The following TKFC variants were observed in gnomAD, a reference collection of about 807,000 sequenced individuals.
TKFC encodes the protein triokinase/FMN cyclase.
In TKFC, 46 loss-of-function variants were observed where a neutral mutation model predicts 61.0. The observed-to-expected ratio is 0.75, with a 90% CI of 0.60 to 0.96. The LOEUF is 0.96. Ranked by LOEUF, TKFC falls within the 50% of genes least tolerant of loss-of-function variation. TKFC has a pLI of 0.00. For synonymous variants in TKFC, 314 were observed against 330.1 expected, an observed-to-expected ratio of 0.95 and a Z score of 0.53; for missense variants, 715 against 777.5, an observed-to-expected ratio of 0.92 and a Z score of 0.96.
At position 61,341,831 on chromosome 11, in the gene TKFC, G is replaced by C. The variant is rs150473332; in HGVS notation, c.574G>C (p.Gly192Arg). The C allele has an allele frequency of 2.2e-5, 36 of 1,613,806 alleles. No homozygotes were observed. The highest frequency in any genetic ancestry group is 3.3e-5 in the Admixed American group (2 of 59,982). The change falls in exon 7 of 18, where the codon GGG becomes CGG. Residue 192 changes from glycine to arginine, a missense_variant. Physicochemically the swap from Gly to Arg is moderately radical, Grantham distance 125. Transcript: ENST00000394900. ...TGCCTTGTTTCTCATAGGTACCCTG[G>C]GGGTGAGCTTATCCTCCTGCAGCGT... ...NVVAKAMGTL[G>R]VSLSSCSVPG...
rs756912409 is a variant in TKFC at position 61,339,266 on chromosome 11, T to G, written c.317T>G (p.Leu106Arg). 3 of 1,613,436 alleles carry G rather than the reference T, an allele frequency of 1.9e-6. No homozygotes were observed. The highest frequency in any genetic ancestry group is 3.3e-5 in the Admixed American group (2 of 59,994). ...VAQAGTVGTL[L>R]IVKNYTGDRL... ...GCTGCTCCCGCAGTGGGGACGCTCCTTATCGTGAAGAACTACACTGGGGAT... is the reference window on the plus strand; with the variant it reads ...GCTGCTCCCGCAGTGGGGACGCTCCGTATCGTGAAGAACTACACTGGGGAT... Residue 106 changes from leucine to arginine, a missense_variant, in exon 5 of 18, where the codon CTT becomes CGT. Leu to Arg is a moderately radical substitution (Grantham distance 102, BLOSUM62 -2). Coordinates refer to ENST00000394900, the MANE Select transcript of TKFC (RefSeq NM_015533.4).
At chr11:61,351,668 C>G (rs1394300807), downstream of TKFC, 1 of 152,048 alleles carries the variant, frequency 6.6e-6, no homozygotes, top group Non-Finnish European at 1.5e-5. Context: ...GTAATCCCAG[C>G]ACTTTGGGAG....
In TKFC at chr11:61,347,847, G is replaced by C. The variant is rs539744798; in HGVS notation, c.*1344G>C. 3.3e-4 allele frequency: 324 copies of C among 980,740 alleles called. 3 individuals are homozygous for C. In the South Asian group the frequency reaches 0.013, roughly 39 times the overall value. The allele number at this position is 980,740 out of a possible 1,614,324, so 60.8% of individuals were successfully genotyped here. On this transcript the variant is annotated 3_prime_UTR_variant, in exon 18 of 18. Transcript: ENST00000394900. ...GGACATGAAAGGATTCAAATGAATT[G>C]ATGAAGATGGGCCATAAAGCCCAGC... is the stretch of plus-strand genomic sequence containing the variant.
chr11:61,346,369 G>T lies in TKFC; in HGVS notation c.1594G>T (p.Glu532Ter). Residue 532 changes from glutamate to a stop codon, truncating the protein, a stop_gained, in exon 18 of 18, where the codon GAG (glutamate) becomes TAG (stop). Coordinates refer to ENST00000394900, the MANE Select transcript of TKFC (RefSeq NM_015533.4). LOFTEE classifies it high-confidence loss of function. The surrounding 1 kb of genome is among the most constrained non-coding windows in gnomAD (Gnocchi z 4.1). ...CCCCCAGAGTGCCGAAGCTGCAGCC[G>T]AGGCCACCAAGAATATGGAAGCTGG... ...KAVKSAEAAA[E>*]ATKNMEAGAG... 6.2e-7 allele frequency: 1 copy of T among 1,612,772 alleles called. No homozygotes were observed. Among genetic ancestry groups the T allele is most frequent in the Non-Finnish European group, 8.5e-7 (1 of 1,179,988 alleles).
rs552171239 is a variant in TKFC at position 61,335,686 on chromosome 11, C to T, written c.3+955C>T. On this transcript the variant is annotated intron_variant, in intron 2 of 17. Coordinates refer to ENST00000394900, the MANE Select transcript of TKFC (RefSeq NM_015533.4). ...AGCTTTGGAGCCAGGCAGACCTGGA[C>T]ACCTGCTGGCTGTGTGACCTTGGGC... Among the ~76,000 whole-genome samples, 214 of 152,336 alleles carry T rather than the reference C, an allele frequency of 1.4e-3. 1 individual carries two copies. The highest frequency in any genetic ancestry group is 4.8e-3 in the African/African-American group (198 of 41,578).
downstream of TKFC, chr11:61,351,240 A>G: frequency 2.1e-6 from 3 of 1,396,150 alleles, no homozygotes; most frequent in Non-Finnish European, 9.5e-7. Context: ...AGGGTGAGAA[A>G]ACCTTCCCGG....
Position 61,345,342 on chromosome 11 carries a change from G to A in TKFC, c.1323G>A (p.Glu441=). ...CCAAGTTGTCTGTCCTGCTCCTGGA[G>A]AAGATGGGAGGCTCATCTGGGGCGG... ...LLSKLSVLLL[E]KMGGSSGALY... Residue 441 remains glutamate (E), a synonymous_variant, in exon 14 of 18, where the codon GAG becomes GAA. Transcript: ENST00000394900. 6.2e-7 allele frequency: 1 copy of A among 1,604,552 alleles called. No homozygotes were observed. Among genetic ancestry groups the A allele is most frequent in the Non-Finnish European group, 8.5e-7 (1 of 1,173,272 alleles).
chr11:61,351,233 G>A (rs1019097688), downstream of TKFC: 3 of 1,427,378 alleles, frequency 2.1e-6, no homozygotes, highest in African/African-American at 1.5e-5. Flanking sequence ...CTAACAGAGG[G>A]TGAGAAAACC....
chr11:61,344,611 G>A (rs968708233), intron 13 of TKFC, among the ~76,000 whole-genome samples: 5 of 152,004 alleles, frequency 3.3e-5, no homozygotes, highest in African/African-American at 9.7e-5. Context: ...CCATCCGCTC[G>A]CCCTGGCCTC....
chr11:61,341,324 A>G (rs1856841007), intron 5 of TKFC, 112 bp from the exon 6 acceptor site: 6 of 1,229,078 alleles, frequency 4.9e-6, no homozygotes, highest in Non-Finnish European at 7.0e-6. Context: ...TTGAGTGTGA[A>G]AATCCTGAGG....
chr11:61,346,295 G>A lies in TKFC; in HGVS notation c.1576-56G>A, dbSNP rs1857121939. 3 of 1,607,642 alleles carry A rather than the reference G, an allele frequency of 1.9e-6. No homozygotes were observed. Among genetic ancestry groups the A allele is most frequent in the Non-Finnish European group, 2.5e-6 (3 of 1,179,830 alleles). On this transcript the variant is annotated intron_variant, in intron 17 of 17. Transcript: ENST00000394900. The surrounding 1 kb of genome is among the most constrained non-coding windows in gnomAD (Gnocchi z 4.1). ...GGCAGAGACGTTCTGCCCATGGCAGGAAGGAGGCGGCCTGGTGATCTGCCC... is the reference window on the plus strand; with the variant it reads ...GGCAGAGACGTTCTGCCCATGGCAGAAAGGAGGCGGCCTGGTGATCTGCCC...
chr11:61,335,586 C>A (rs1048244526), intron 2 of TKFC, among the ~76,000 whole-genome samples: 1 of 152,188 alleles, frequency 6.6e-6, no homozygotes, highest in Non-Finnish European at 1.5e-5. Context: ...CATGTCCTTT[C>A]TAGGGCAACC....
At chr11:61,338,981 C>A in intron 3 of TKFC, 85 bp from the exon 4 acceptor site, 1 of 1,210,266 alleles carries the variant, frequency 8.3e-7, no homozygotes, top group Non-Finnish European at 1.2e-6. Context: ...GCTCACCAAA[C>A]CATGACCCCC....
rs1249657122 is a variant in TKFC, at chr11:61,346,687, G to A, written c.*184G>A. 3 of 1,402,086 alleles carry A rather than the reference G, an allele frequency of 2.1e-6. No homozygotes were observed. The highest frequency in any genetic ancestry group is 2.8e-6 in the Non-Finnish European group (3 of 1,080,262). 86.9% of individuals were successfully genotyped at this position (1,402,086 alleles called of 1,614,324 possible). A position where few individuals can be genotyped will look rare whatever the true frequency, so the allele number is the denominator to read the frequency against. On this transcript the variant is annotated 3_prime_UTR_variant, in exon 18 of 18. Coordinates refer to ENST00000394900, the MANE Select transcript of TKFC (RefSeq NM_015533.4). This position sits in a 1 kb window ranked among gnomAD's most constrained non-coding sequence, Gnocchi z 4.1. ...CTACAGACAGCACCCAGAGTGAGCT[G>A]GAGTGGGTCCCCATGCCTCTCCAGC...
Position 61,342,766 on chromosome 11 carries a change from G to T in TKFC, c.787G>T (p.Val263Leu), listed in dbSNP as rs769991813. 2 of 1,614,028 alleles carry T rather than the reference G, an allele frequency of 1.2e-6. No homozygotes were observed. Among genetic ancestry groups the T allele is most frequent in the South Asian group, 1.1e-5 (1 of 91,086 alleles). Residue 263 changes from valine (V) to leucine (L), a missense_variant, in exon 10 of 18, where the codon GTG becomes TTG. Coordinates refer to ENST00000394900, the MANE Select transcript of TKFC (RefSeq NM_015533.4). ...HVPVQPGSSVVMMVNNLGGLS... is the reference protein window; with the variant it reads ...HVPVQPGSSVLMMVNNLGGLS... ...ATGTCTACCCGCAGGCTCCTCAGTT[G>T]TGATGATGGTCAACAACCTGGGTGG...
downstream of TKFC, chr11:61,350,682 C>A: frequency 1.7e-6 from 1 of 594,692 alleles, no homozygotes; most frequent in Non-Finnish European, 2.9e-6. Context: ...AGAAATCACA[C>A]ACCCTTGTCA....
downstream of TKFC, chr11:61,350,864 C>T (rs1443779267): frequency 2.9e-6 from 4 of 1,386,656 alleles, no homozygotes; most frequent in Non-Finnish European, 3.8e-6. Context: ...TAACTCCACC[C>T]TCAAGTTACT....
chr11:61,346,050 T>C lies in TKFC; in HGVS notation c.1575+104T>C. 1 of 1,286,882 alleles carries C rather than the reference T, an allele frequency of 7.8e-7. No homozygotes were observed. Among genetic ancestry groups the C allele is most frequent in the East Asian group, 2.4e-5 (1 of 41,476 alleles). 79.7% of individuals were successfully genotyped at this position (1,286,882 alleles called of 1,614,324 possible). ...AGTTAATAACCTTCCTGGACCGCAG[T>C]TTCCTTCTCTGTACAATGGAGATGA... On this transcript the variant is annotated intron_variant, in intron 17 of 17. Transcript: ENST00000394900. The surrounding 1 kb of genome is among the most constrained non-coding windows in gnomAD (Gnocchi z 4.1).
chr11:61,335,842 T>G (rs1856583408), intron 2 of TKFC: 1 of 152,292 alleles, frequency 6.6e-6, no homozygotes, highest in Admixed American at 6.5e-5. Context: ...TTGCCCAGGC[T>G]GGAGTGCAAT....
Sources: allele counts gnomAD v4.1 joint callset (sites outside exome capture counted in the v4.1 genomes callset), GRCh38; gene constraint gnomAD v4.1.1; non-coding constraint Gnocchi (gnomAD v3.1); transcripts MANE v1.5; gene names NCBI Gene and HGNC (gene_info 2026-07-23, HGNC 2026-07-21).